TAOK1: variants seen among roughly 807,000 people sequenced by gnomAD.
TAOK1 encodes serine/threonine-protein kinase TAO1.
In TAOK1, 21 loss-of-function variants were observed where a neutral mutation model predicts 138.3. The ratio of observed to expected loss-of-function variants is 0.15; its 90% CI spans 0.11 to 0.22. The LOEUF (loss-of-function observed/expected upper bound fraction) is 0.22, where lower values mean the gene tolerates loss of function less well. TAOK1 is among the 10% of genes least tolerant of loss of function. TAOK1 has a pLI of 1.00. For missense variants in TAOK1, 651 were observed against 1,227.7 expected (o/e 0.53, Z 7.02); for synonymous variants, 361 against 398.4 (o/e 0.91, Z 1.12).
intron 6 of TAOK1, 29 bp from the exon 7 acceptor site, chr17:29,480,339 A>G: frequency 6.6e-7 from 1 of 1,511,052 alleles, no homozygotes; most frequent in South Asian, 1.2e-5. Context: ...AGGGAAAGTT[A>G]AGTAATTTTC....
chr17:29,491,748 A>G, intron 9 of TAOK1, 36 bp from the exon 10 acceptor site: 2 of 1,429,812 alleles, frequency 1.4e-6, no homozygotes, highest in South Asian at 1.1e-5. Context: ...TAAAGGAAAT[A>G]GCAATGTGTT....
chr17:29,528,594 C>T (rs934280521), intron 17 of TAOK1, among the ~76,000 whole-genome samples: 2 of 151,966 alleles, frequency 1.3e-5, no homozygotes, highest in African/African-American at 4.8e-5. Flanking sequence ...AATCCCAGCA[C>T]TTTGGGAGGC....
chr17:29,479,137 C>T (rs1335284099), intron 6 of TAOK1, among the ~76,000 whole-genome samples: 3 of 147,902 alleles, frequency 2.0e-5, no homozygotes, highest in Admixed American at 2.0e-4. Flanking sequence ...CAGAGTGAAA[C>T]TCTGTCTCAA....
intron 2 of TAOK1, among the ~76,000 whole-genome samples, chr17:29,457,026 T>TGC (rs2030396086): frequency 7.3e-6 from 1 of 136,496 alleles, no homozygotes; most frequent in Non-Finnish European, 1.6e-5. Flanking sequence ...AGCCACAGCA[T>TGC]CTGGCCATAT....
At chr17:29,432,441 C>T (rs919312227) in intron 1 of TAOK1, among the ~76,000 whole-genome samples, 5 of 152,200 alleles carry the variant, frequency 3.3e-5, no homozygotes, top group African/African-American at 9.7e-5. Context: ...ACAAACATGT[C>T]GCAGTGCTGC....
At chr17:29,443,362 A>G (rs973447459) in intron 1 of TAOK1, among the ~76,000 whole-genome samples, 11 of 152,218 alleles carry the variant, frequency 7.2e-5, no homozygotes, top group Non-Finnish European at 1.3e-4. Flanking sequence ...GTTATTGTCT[A>G]TTATTTGACT....
intron 2 of TAOK1, among the ~76,000 whole-genome samples, chr17:29,454,780 C>T (rs1488976567): frequency 1.3e-5 from 2 of 152,060 alleles, no homozygotes; most frequent in Non-Finnish European, 2.9e-5. Flanking sequence ...CGGCTCACTG[C>T]AGCCTCGGCC....
rs2032366368 is a variant in TAOK1 at position 29,544,236 on chromosome 17, C to T, written c.*1214C>T. 6.6e-6 allele frequency: 1 copy of T among 152,664 alleles called. No homozygotes were observed. The highest frequency in any genetic ancestry group is 6.5e-5 in the Admixed American group (1 of 15,284). The allele number at this position is 152,664 out of a possible 1,614,324, so 9.5% of individuals were successfully genotyped here. A position where few individuals can be genotyped will look rare whatever the true frequency, so the allele number is the denominator to read the frequency against. On this transcript the variant is annotated 3_prime_UTR_variant, in exon 20 of 20. Transcript: ENST00000261716. ...TTAGTTGCCACAGTGAACCAGGAGT[C>T]ACTGAGCCAATGACTTTACCAGCTG... is the stretch of plus-strand genomic sequence containing the variant.
At chr17:29,425,405 T>C (rs1905603733) in intron 1 of TAOK1, among the ~76,000 whole-genome samples, 1 of 151,950 alleles carries the variant, frequency 6.6e-6, no homozygotes, top group Admixed American at 6.6e-5. Context: ...TATACCAGGC[T>C]TGGTGGCTCC....
chr17:29,460,696 GAAGTA>G (rs1428043897), intron 2 of TAOK1, among the ~76,000 whole-genome samples: 4 of 152,182 alleles, frequency 2.6e-5, no homozygotes, highest in Non-Finnish European at 5.9e-5. Flanking sequence ...TTCCATTTGT[GAAGTA>G]AAGTTTACTC....
At chr17:29,542,029 C>T (rs2032326743) in intron 19 of TAOK1, among the ~76,000 whole-genome samples, 1 of 151,926 alleles carries the variant, frequency 6.6e-6, no homozygotes, top group African/African-American at 2.4e-5. Context: ...GGCCCGCCAC[C>T]ACCATGCCCG....
At chr17:29,400,292 G>T (rs1223776483) in intron 1 of TAOK1, among the ~76,000 whole-genome samples, 1 of 151,350 alleles carries the variant, frequency 6.6e-6, no homozygotes, top group African/African-American at 2.4e-5. Context: ...TACTTGGGAG[G>T]CTGAGGCAGG....
chr17:29,432,991 CTCAAGCAG>C (rs1161305830), intron 1 of TAOK1, among the ~76,000 whole-genome samples: 1 of 152,094 alleles, frequency 6.6e-6, no homozygotes, highest in East Asian at 1.9e-4. Context: ...AATTCCTGGG[CTCAAGCAG>C]TCCTCCTGCC....
intron 1 of TAOK1, among the ~76,000 whole-genome samples, chr17:29,395,434 G>A (rs557927838): frequency 4.0e-4 from 61 of 152,304 alleles, no homozygotes; most frequent in Admixed American, 1.3e-3. Flanking sequence ...GGGAGGCTGA[G>A]GCAGGAGAAT....
At chr17:29,482,144 G>T in intron 7 of TAOK1, 53 bp from the exon 8 acceptor site, 1 of 1,329,116 alleles carries the variant, frequency 7.5e-7, no homozygotes, top group Non-Finnish European at 1.1e-6. Context: ...ATTCTCAAAG[G>T]ATAGAATACT....
intron 1 of TAOK1, among the ~76,000 whole-genome samples, chr17:29,427,438 A>C (rs1905675605): frequency 6.6e-6 from 1 of 150,594 alleles, no homozygotes; most frequent in Non-Finnish European, 1.5e-5. Flanking sequence ...TTACCAAAAA[A>C]TACAACAATT....
At chr17:29,516,216 C>G (rs2031811769) in intron 15 of TAOK1, among the ~76,000 whole-genome samples, 1 of 152,142 alleles carries the variant, frequency 6.6e-6, no homozygotes, top group South Asian at 2.1e-4. Flanking sequence ...CCACCTCTGC[C>G]TCCCAAAGTG....
chr17:29,477,657 G>A lies in TAOK1; in HGVS notation c.307-4G>A, dbSNP rs1341108407. 1 of 1,370,282 alleles carries A rather than the reference G, an allele frequency of 7.3e-7. No individual in the cohort carries two copies. Among genetic ancestry groups the A allele is most frequent in the Non-Finnish European group, 9.5e-7 (1 of 1,049,628 alleles). The allele number at this position is 1,370,282 out of a possible 1,614,324, so 84.9% of individuals were successfully genotyped here. A position where few individuals can be genotyped will look rare whatever the true frequency, so the allele number is the denominator to read the frequency against. The stretch of plus-strand genomic sequence containing the variant: ...TTTAATGCTTTTATAACTTTTCCAT[G>A]TAGCTTGTAATGGAATATTGTTTAG... On this transcript the variant is annotated splice_polypyrimidine_tract_variant and splice_region_variant and intron_variant, in intron 4 of 19. Coordinates refer to ENST00000261716, the MANE Select transcript of TAOK1 (RefSeq NM_020791.4).
intron 11 of TAOK1, among the ~76,000 whole-genome samples, chr17:29,496,956 T>G (rs1157213543): frequency 6.6e-6 from 1 of 152,158 alleles, no homozygotes; most frequent in East Asian, 1.9e-4. Flanking sequence ...TTGCTCACTG[T>G]AGGTAGAGGA....
Sources: gnomAD v4.1 joint callset for allele counts (sites outside exome capture counted in the v4.1 genomes callset) on GRCh38, gnomAD v4.1.1 for gene constraint, MANE v1.5 for transcripts, NCBI Gene and HGNC (gene_info 2026-07-23, HGNC 2026-07-21) for gene names.